The following KHDRBS2 variants were observed in gnomAD, a reference collection of about 807,000 sequenced individuals.
KHDRBS2 encodes KH RNA binding domain containing, signal transduction associated 2.
Under a neutral mutation model 44.3 loss-of-function variants are expected in KHDRBS2, and 26 were observed. That is an observed-to-expected ratio of 0.59 (90% CI 0.43 to 0.81). The LOEUF is 0.81. KHDRBS2 is among the 40% of genes least tolerant of loss of function. The pLI, the probability that KHDRBS2 is intolerant of heterozygous loss-of-function variation, is 0.00. For missense variants in KHDRBS2, 476 were observed against 433.1 expected, an observed-to-expected ratio of 1.10 and a Z score of -0.88; for synonymous variants, 194 against 151.1, an observed-to-expected ratio of 1.28 and a Z score of -2.08.
At chr6:62,284,801 G>A (rs1021245333) in intron 1 of KHDRBS2, among the ~76,000 whole-genome samples, 10 of 151,904 alleles carry the variant, frequency 6.6e-5, no homozygotes, top group Admixed American at 5.2e-4. Flanking sequence ...ATATATTGAG[G>A]AGCAGAATTT....
chr6:61,786,361 T>A (rs1242874191), intron 6 of KHDRBS2, among the ~76,000 whole-genome samples: 5 of 152,068 alleles, frequency 3.3e-5, no homozygotes, highest in Non-Finnish European at 7.4e-5. Flanking sequence ...AGGGGTCATA[T>A]TTAATCACTG....
intron 6 of KHDRBS2, among the ~76,000 whole-genome samples, chr6:61,792,546 G>C (rs1784773788): frequency 6.6e-6 from 1 of 151,414 alleles, no homozygotes. Context: ...ATTGTATGTG[G>C]TATACATAGA....
At chr6:62,168,567 T>A (rs1025766549) in intron 2 of KHDRBS2, among the ~76,000 whole-genome samples, 13 of 152,130 alleles carry the variant, frequency 8.5e-5, no homozygotes, top group African/African-American at 3.1e-4. Flanking sequence ...GCCATTTAGG[T>A]ATATCTTGGT....
At chr6:62,073,314 C>T (rs34581506) in intron 2 of KHDRBS2, among the ~76,000 whole-genome samples, 25,952 of 150,504 alleles carry the variant, frequency 0.17, 2,553 homozygotes, top group African/African-American at 0.27. Context: ...AACAACTTTT[C>T]ATCTCATCTA....
chr6:62,108,585 T>G (rs1234327721), intron 2 of KHDRBS2, among the ~76,000 whole-genome samples: 7 of 152,116 alleles, frequency 4.6e-5, no homozygotes, highest in Non-Finnish European at 8.8e-5. Flanking sequence ...GACCCAGCCA[T>G]CCCATTACTG....
intron 6 of KHDRBS2, among the ~76,000 whole-genome samples, chr6:61,776,813 G>C (rs568729765): frequency 6.6e-6 from 1 of 151,824 alleles, no homozygotes; most frequent in Admixed American, 6.6e-5. Context: ...ACTATAAATC[G>C]TGCTGCTATA....
rs1767163550 is a variant in KHDRBS2, at chr6:61,955,993, G to C, written c.483+22073C>G. On this transcript the variant is annotated intron_variant, in intron 4 of 8. Coordinates refer to ENST00000281156, the MANE Select transcript of KHDRBS2 (RefSeq NM_152688.4). ...TAGCTATAGATCTCATACGTATTGA[G>C]ATCATCCTGGCCAACATGGTGAAAC... Among the ~76,000 whole-genome samples the C allele has an allele frequency of 1.3e-5, 2 of 152,068 alleles. 1 individual carries two copies. The highest frequency in any genetic ancestry group is 4.1e-4 in the South Asian group (2 of 4,832).
chr6:61,625,334 G>C, the KHDRBS2 span, among the ~76,000 whole-genome samples: 29 of 149,540 alleles, frequency 1.9e-4, no homozygotes, highest in Non-Finnish European at 3.6e-4. Flanking sequence ...ACAGGAATGA[G>C]GGAATACTTC....
rs76058518 is a variant in KHDRBS2 at position 62,125,420 on chromosome 6, C to A, written c.219+51765G>T. Among the ~76,000 whole-genome samples the A allele has an allele frequency of 1.4e-3, 216 of 152,224 alleles. 1 individual carries two copies. Among genetic ancestry groups the A allele is most frequent in the African/African-American group, 5.0e-3 (206 of 41,550 alleles). On this transcript the variant is annotated intron_variant, in intron 2 of 8. Transcript: ENST00000281156. ...CAGTGAACCTGAAAAGTAGTCTATG[C>A]CACCAGCCCTGAAATTTCTGGGCAA...
intron 6 of KHDRBS2, among the ~76,000 whole-genome samples, chr6:61,781,212 T>A (rs1735901010): frequency 6.6e-6 from 1 of 152,172 alleles, no homozygotes; most frequent in Non-Finnish European, 1.5e-5. Flanking sequence ...ATATTAATCA[T>A]TTTAAGACAG....
intron 4 of KHDRBS2, among the ~76,000 whole-genome samples, chr6:61,916,894 T>C (rs1467840000): frequency 6.6e-6 from 1 of 151,156 alleles, no homozygotes; most frequent in Non-Finnish European, 1.5e-5. Context: ...ATGTACTTAT[T>C]AGAATACGGA....
At chr6:61,667,125 C>A in the KHDRBS2 span, among the ~76,000 whole-genome samples, 1 of 148,210 alleles carries the variant, frequency 6.7e-6, no homozygotes, top group Non-Finnish European at 1.5e-5. Flanking sequence ...ATCCAATAGC[C>A]GCAAAGTACT....
chr6:61,834,184 T>G (rs1792282559), intron 6 of KHDRBS2, among the ~76,000 whole-genome samples: 2 of 151,972 alleles, frequency 1.3e-5, no homozygotes, highest in East Asian at 3.9e-4. Flanking sequence ...AACATTAATA[T>G]CTCCAAAAAA....
At chr6:61,735,764 A>G (rs1434462008) in intron 6 of KHDRBS2, among the ~76,000 whole-genome samples, 1 of 152,078 alleles carries the variant, frequency 6.6e-6, no homozygotes, top group African/African-American at 2.4e-5. Flanking sequence ...AAATTTTTCA[A>G]TTGTCTCATA....
intron 7 of KHDRBS2, among the ~76,000 whole-genome samples, chr6:61,711,834 G>A (rs532799769): frequency 6.6e-6 from 1 of 151,936 alleles, no homozygotes; most frequent in African/African-American, 2.4e-5. Context: ...AGGTCTATGG[G>A]CAATTATTCT....
At chr6:62,282,995 A>G (rs1193174440) in intron 1 of KHDRBS2, among the ~76,000 whole-genome samples, 1 of 152,156 alleles carries the variant, frequency 6.6e-6, no homozygotes, top group East Asian at 1.9e-4. Flanking sequence ...AGCAGAAAAG[A>G]TATAAATAAA....
chr6:61,978,276 G>C (rs568410698), intron 3 of KHDRBS2, 64 bp from the exon 4 acceptor site: 14 of 1,306,408 alleles, frequency 1.1e-5, no homozygotes, highest in Admixed American at 2.2e-5. Flanking sequence ...AACATTTACT[G>C]AGAATATGAC....
chr6:61,854,535 C>T (rs1197773699), intron 6 of KHDRBS2, among the ~76,000 whole-genome samples: 1 of 152,062 alleles, frequency 6.6e-6, no homozygotes, highest in Admixed American at 6.6e-5. Flanking sequence ...ACAGTTTGAG[C>T]AAACTTGAGC....
the KHDRBS2 span, among the ~76,000 whole-genome samples, chr6:61,553,968 T>C: frequency 2.0e-5 from 3 of 152,194 alleles, no homozygotes; most frequent in South Asian, 2.1e-4. Flanking sequence ...GCAAAGAATG[T>C]ATATTCTCTT....
Sources: gnomAD v4.1 joint callset for allele counts (sites outside exome capture counted in the v4.1 genomes callset) on GRCh38, gnomAD v4.1.1 for gene constraint, MANE v1.5 for transcripts, NCBI Gene and HGNC (gene_info 2026-07-23, HGNC 2026-07-21) for gene names.